PPM1E: variants seen among roughly 807,000 people sequenced by gnomAD.
The protein encoded by PPM1E is protein phosphatase 1E.
In PPM1E, 20 loss-of-function variants were observed where a neutral mutation model predicts 65.9. The observed-to-expected ratio is 0.30, with a 90% CI of 0.21 to 0.44. The LOEUF is 0.44. Ranked by LOEUF, PPM1E falls within the 20% of genes least tolerant of loss-of-function variation. The probability of loss-of-function intolerance (pLI) is 1.00; values close to 1 mark genes in which losing one functional copy is unlikely to be tolerated. For missense variants in PPM1E, 713 were observed against 953.1 expected (o/e 0.75, Z 3.32); for synonymous variants, 352 against 374.9 (o/e 0.94, Z 0.70).
intron 1 of PPM1E, among the ~76,000 whole-genome samples, chr17:58,823,957 C>A (rs1195043672): frequency 1.3e-5 from 2 of 152,166 alleles, no homozygotes; most frequent in East Asian, 3.9e-4. Context: ...ATCTCAATCT[C>A]CTGACCTCGT....
intron 1 of PPM1E, among the ~76,000 whole-genome samples, chr17:58,824,451 C>G (rs2050511556): frequency 6.6e-6 from 1 of 152,112 alleles, no homozygotes; most frequent in African/African-American, 2.4e-5. Flanking sequence ...ATAGATATTT[C>G]TTCAATCTAA....
At chr17:58,883,729 C>T (rs565535441) in intron 1 of PPM1E, among the ~76,000 whole-genome samples, 2 of 151,872 alleles carry the variant, frequency 1.3e-5, no homozygotes, top group South Asian at 4.2e-4. Context: ...TCGTGATCCG[C>T]CCGCCTCGGC....
chr17:58,858,458 T>C (rs1029116111), intron 1 of PPM1E, among the ~76,000 whole-genome samples: 1 of 152,108 alleles, frequency 6.6e-6, no homozygotes, highest in African/African-American at 2.4e-5. Context: ...CTCTATCCCT[T>C]TCTTTCTCCT....
chr17:58,855,914 G>A (rs1159876185), intron 1 of PPM1E, among the ~76,000 whole-genome samples: 2 of 152,140 alleles, frequency 1.3e-5, no homozygotes, highest in East Asian at 1.9e-4. Flanking sequence ...ATACAGACTA[G>A]ATGTTTATTG....
chr17:58,939,215 G>T (rs2052030470), intron 1 of PPM1E, among the ~76,000 whole-genome samples: 3 of 152,162 alleles, frequency 2.0e-5, no homozygotes, highest in Admixed American at 2.0e-4. Context: ...ACCTATTGAA[G>T]GTTATTAGAA....
chr17:58,959,322 A>C (rs981300325), intron 2 of PPM1E, among the ~76,000 whole-genome samples: 1 of 150,148 alleles, frequency 6.7e-6, no homozygotes, highest in African/African-American at 2.5e-5. Context: ...AAAAAAAAAA[A>C]AAAAAAACGA....
chr17:58,778,402 C>CTTT (rs59155396), intron 1 of PPM1E, among the ~76,000 whole-genome samples: 27 of 86,048 alleles, frequency 3.1e-4, no homozygotes, highest in East Asian at 5.7e-4. Flanking sequence ...GGCTGGCCAT[C>CTTT]TTTTTTTTTT....
chr17:58,900,556 T>A (rs747420007), intron 1 of PPM1E, among the ~76,000 whole-genome samples: 2 of 152,206 alleles, frequency 1.3e-5, no homozygotes, highest in Non-Finnish European at 2.9e-5. Context: ...AATGTAAACA[T>A]AGCTTTTATA....
chr17:58,762,056 T>TG (rs990644085), intron 1 of PPM1E, among the ~76,000 whole-genome samples: 1 of 152,232 alleles, frequency 6.6e-6, no homozygotes, highest in African/African-American at 2.4e-5. Context: ...CCACAGCTTA[T>TG]GGGGGTTGAC....
chr17:58,964,108 C>G (rs933036390), intron 2 of PPM1E, among the ~76,000 whole-genome samples: 1 of 152,192 alleles, frequency 6.6e-6, no homozygotes, highest in Non-Finnish European at 1.5e-5. Context: ...CCAGGCTGTT[C>G]TAGAACATAT....
chr17:58,924,084 A>C (rs1381258611), intron 1 of PPM1E, among the ~76,000 whole-genome samples: 1 of 151,470 alleles, frequency 6.6e-6, no homozygotes, highest in African/African-American at 2.4e-5. Flanking sequence ...ATGCCTGGCT[A>C]ATTTTTGTAT....
intron 1 of PPM1E, among the ~76,000 whole-genome samples, chr17:58,900,341 C>T (rs576338270): frequency 7.2e-5 from 11 of 152,052 alleles, no homozygotes; most frequent in East Asian, 1.9e-4. Context: ...AAGAAATTAC[C>T]GCAGTCACTC....
At chr17:58,846,578 T>A (rs2050774086) in intron 1 of PPM1E, among the ~76,000 whole-genome samples, 1 of 152,230 alleles carries the variant, frequency 6.6e-6, no homozygotes, top group Non-Finnish European at 1.5e-5. Flanking sequence ...GCTTCATCCA[T>A]GTCTCTACAA....
At chr17:58,889,189 T>C (rs2143422973) in intron 1 of PPM1E, among the ~76,000 whole-genome samples, 1 of 152,354 alleles carries the variant, frequency 6.6e-6, no homozygotes, top group Admixed American at 6.5e-5. Context: ...TATTACCTGC[T>C]TCTTTTTCAT....
At chr17:58,765,087 T>G (rs2049859900) in intron 1 of PPM1E, among the ~76,000 whole-genome samples, 1 of 152,076 alleles carries the variant, frequency 6.6e-6, no homozygotes, top group Non-Finnish European at 1.5e-5. Context: ...TTATTTTGCT[T>G]TGTTAACATT....
At chr17:58,829,835 A>T (rs1325319220) in intron 1 of PPM1E, among the ~76,000 whole-genome samples, 2 of 152,216 alleles carry the variant, frequency 1.3e-5, no homozygotes, top group Non-Finnish European at 2.9e-5. Flanking sequence ...GTTAACCTGA[A>T]ATATCTTTAT....
In PPM1E at chr17:58,983,942, C is replaced by T. The variant is rs1205501432; in HGVS notation, c.*2911C>T. 1 of 152,520 alleles carries T rather than the reference C, an allele frequency of 6.6e-6. No homozygotes were observed. The highest frequency in any genetic ancestry group is 2.4e-5 in the African/African-American group (1 of 41,408). 9.4% of individuals were successfully genotyped at this position (152,520 alleles called of 1,614,324 possible). A position where few individuals can be genotyped will look rare whatever the true frequency, so the allele number is the denominator to read the frequency against. On this transcript the variant is annotated 3_prime_UTR_variant, in exon 7 of 7. Transcript: ENST00000308249. ...CTGTGAGTTTCAAAGGGAGTCAGTC[C>T]CTAATTTACAGGTTTCCTTTGTTCA... is the stretch of plus-strand genomic sequence containing the variant.
chr17:58,920,805 A>G (rs1183041116), intron 1 of PPM1E, among the ~76,000 whole-genome samples: 1 of 152,214 alleles, frequency 6.6e-6, no homozygotes, highest in Non-Finnish European at 1.5e-5. Context: ...TAGATAATAC[A>G]TAAAGATATG....
intron 1 of PPM1E, among the ~76,000 whole-genome samples, chr17:58,881,878 G>A (rs1203965617): frequency 6.6e-6 from 1 of 151,212 alleles, no homozygotes; most frequent in African/African-American, 2.4e-5. Flanking sequence ...AGAAATACAG[G>A]CCAGGCATGG....
Sources: gnomAD v4.1 joint callset for allele counts (sites outside exome capture counted in the v4.1 genomes callset) on GRCh38, gnomAD v4.1.1 for gene constraint, MANE v1.5 for transcripts, NCBI Gene and HGNC (gene_info 2026-07-23, HGNC 2026-07-21) for gene names.